TXNDC16: variants seen among roughly 807,000 people sequenced by gnomAD.
TXNDC16 encodes thioredoxin domain-containing protein 16.
In TXNDC16, 74 loss-of-function variants were observed where a neutral mutation model predicts 85.6. That is an observed-to-expected ratio of 0.86 (90% CI 0.72 to 1.05). The LOEUF (loss-of-function observed/expected upper bound fraction) is 1.05. Among genes scored for constraint, TXNDC16 ranks in the 50% least tolerant of loss-of-function variants. The pLI is 0.00. For missense variants in TXNDC16, 959 were observed against 947.0 expected (o/e 1.01, Z -0.17); for synonymous variants, 335 against 326.5 (o/e 1.03, Z -0.28).
At chr14:52,497,689 G>A (rs962161447) in intron 9 of TXNDC16, among the ~76,000 whole-genome samples, 1 of 152,086 alleles carries the variant, frequency 6.6e-6, no homozygotes, top group Non-Finnish European at 1.5e-5. Context: ...AGACCAGCCT[G>A]GGCAACATGG....
At chr14:52,491,109 G>T in intron 9 of TXNDC16, 104 bp from the exon 10 acceptor site, 1 of 1,303,262 alleles carries the variant, frequency 7.7e-7, no homozygotes, top group East Asian at 2.6e-5. Context: ...AAAAAAAAGT[G>T]TAAAATAATC....
chr14:52,439,417 A>G (rs780335534), intron 19 of TXNDC16, 23 bp from the exon 20 acceptor site: 21 of 1,575,566 alleles, frequency 1.3e-5, no homozygotes, highest in East Asian at 2.3e-5. Context: ...ACAATTGAAC[A>G]TATTAATATT....
chr14:52,470,628 T>C lies in TXNDC16; in HGVS notation c.1365A>G (p.Val455=). ...ATTCAGTAACATTTTGCTTAGTACA[T>C]ACATCAGACCAATCTGCACAGTTTA... is the stretch of plus-strand genomic sequence containing the variant. ...TRINCADWSD[V]CTKQNVTEFP... The change falls in exon 15 of 21, where the codon GTA becomes GTG. Residue 455 remains valine (V), a synonymous_variant. Coordinates refer to ENST00000281741, the MANE Select transcript of TXNDC16 (RefSeq NM_020784.3). The C allele has an allele frequency of 6.2e-7, 1 of 1,613,996 alleles. No homozygotes were observed. Among genetic ancestry groups the C allele is most frequent in the Admixed American group, 1.7e-5 (1 of 60,030 alleles).
At chr14:52,505,910 A>G (rs2036787135) in intron 9 of TXNDC16, among the ~76,000 whole-genome samples, 1 of 152,242 alleles carries the variant, frequency 6.6e-6, no homozygotes, top group African/African-American at 2.4e-5. Flanking sequence ...GATCCCACAG[A>G]AATAAAAACT....
chr14:52,536,816 T>G, intron 5 of TXNDC16, 23 bp from the exon 6 acceptor site: 1 of 1,560,102 alleles, frequency 6.4e-7, no homozygotes, highest in Non-Finnish European at 8.7e-7. Flanking sequence ...TAAAAACATA[T>G]TAATATTGAA....
chr14:52,494,468 TACAACC>T (rs1309760728), intron 9 of TXNDC16, among the ~76,000 whole-genome samples: 3 of 152,078 alleles, frequency 2.0e-5, no homozygotes. Flanking sequence ...ACCTGGGTCT[TACAACC>T]ACAAGCAACG....
chr14:52,542,913 CTA>C (rs2037863140), intron 3 of TXNDC16, among the ~76,000 whole-genome samples: 1 of 151,948 alleles, frequency 6.6e-6, no homozygotes, highest in Non-Finnish European at 1.5e-5. Context: ...TTGAATTTGA[CTA>C]TTAAAAAAAT....
At chr14:52,539,254 G>C (rs1051959609) in intron 4 of TXNDC16, among the ~76,000 whole-genome samples, 1 of 152,188 alleles carries the variant, frequency 6.6e-6, no homozygotes, top group African/African-American at 2.4e-5. Flanking sequence ...CTCTGAAAAA[G>C]TGACATTTGC....
chr14:52,475,075 A>C (rs910527670), intron 14 of TXNDC16, among the ~76,000 whole-genome samples: 6 of 152,156 alleles, frequency 3.9e-5, no homozygotes, highest in Non-Finnish European at 8.8e-5. Context: ...AGATTACGGG[A>C]GAAGATTCTG....
At chr14:52,521,869 G>C (rs1215013939) in intron 6 of TXNDC16, among the ~76,000 whole-genome samples, 1 of 152,182 alleles carries the variant, frequency 6.6e-6, no homozygotes, top group Non-Finnish European at 1.5e-5. Flanking sequence ...CAATCTGAGA[G>C]ACTAAGTAAC....
chr14:52,471,696 C>A (rs2035911353), intron 14 of TXNDC16, among the ~76,000 whole-genome samples: 8 of 151,958 alleles, frequency 5.3e-5, no homozygotes, highest in Middle Eastern at 3.2e-3. Flanking sequence ...CTTAAATATG[C>A]ATGTGAATAA....
chr14:52,475,536 G>T (rs2036001501), intron 14 of TXNDC16, among the ~76,000 whole-genome samples: 1 of 152,092 alleles, frequency 6.6e-6, no homozygotes, highest in Non-Finnish European at 1.5e-5. Context: ...GGTGAGGCCT[G>T]TGACTGCCGG....
intron 6 of TXNDC16, among the ~76,000 whole-genome samples, chr14:52,524,703 C>T (rs1483777005): frequency 1.3e-5 from 2 of 152,050 alleles, no homozygotes; most frequent in African/African-American, 4.8e-5. Flanking sequence ...TTGTATTGCC[C>T]AGGCTGGTCT....
intron 20 of TXNDC16, among the ~76,000 whole-genome samples, chr14:52,435,688 C>A (rs775228113): frequency 6.6e-6 from 1 of 152,042 alleles, no homozygotes; most frequent in Non-Finnish European, 1.5e-5. Context: ...GGGCCAGGTG[C>A]AGTGGCTCAT....
At chr14:52,545,459 T>C (rs2037922206) in intron 1 of TXNDC16, among the ~76,000 whole-genome samples, 1 of 152,212 alleles carries the variant, frequency 6.6e-6, no homozygotes, top group African/African-American at 2.4e-5. Context: ...TTTTAAAAAT[T>C]ACTTAAAGCA....
intron 16 of TXNDC16, chr14:52,462,911 T>C (rs1053703736): frequency 1.1e-5 from 5 of 455,616 alleles, no homozygotes; most frequent in Middle Eastern, 3.4e-4. Flanking sequence ...CATTTTTATG[T>C]TGAATCTTGG....
intron 9 of TXNDC16, among the ~76,000 whole-genome samples, chr14:52,506,353 G>A (rs191347364): frequency 4.9e-4 from 74 of 152,182 alleles, no homozygotes; most frequent in Non-Finnish European, 6.2e-4. Context: ...AAATCCAGCA[G>A]CACATCAAAA....
intron 1 of TXNDC16, among the ~76,000 whole-genome samples, chr14:52,546,092 C>T (rs1430766486): frequency 6.6e-6 from 1 of 151,884 alleles, no homozygotes; most frequent in Non-Finnish European, 1.5e-5. Context: ...TCAAGAGCAG[C>T]CTAGACAACA....
chr14:52,514,823 TAAGTG>T, intron 8 of TXNDC16, 52 bp downstream of exon 8: 1 of 1,306,834 alleles, frequency 7.7e-7, no homozygotes, highest in Non-Finnish European at 1.1e-6. Flanking sequence ...TAATGCGAAA[TAAGTG>T]AAGAAGAAAA....
Sources: allele counts gnomAD v4.1 joint callset (sites outside exome capture counted in the v4.1 genomes callset), GRCh38; gene constraint gnomAD v4.1.1; transcripts MANE v1.5; gene names NCBI Gene and HGNC (gene_info 2026-07-23, HGNC 2026-07-21).